CSMD1: variants seen among roughly 807,000 people sequenced by gnomAD.
The protein encoded by CSMD1 is CUB and Sushi multiple domains 1, also known as CUB and sushi domain-containing protein 1.
CSMD1 carries 213 observed loss-of-function variants against 417.5 expected under a neutral mutation model. That is an observed-to-expected ratio of 0.51 (90% confidence interval 0.46 to 0.57). The LOEUF is 0.57. Among genes scored for constraint, CSMD1 ranks in the 20% least tolerant of loss-of-function variants. The probability of loss-of-function intolerance (pLI) is 0.00; values close to 1 mark genes in which losing one functional copy is unlikely to be tolerated. For missense variants in CSMD1, 6,923 were observed against 4,529.7 expected (o/e 1.53, Z -15.17); for synonymous variants, 2,862 against 1,736.8 (o/e 1.65, Z -16.11).
intron 1 of CSMD1, among the ~76,000 whole-genome samples, chr8:4,965,929 G>C (rs890399149): frequency 6.6e-5 from 10 of 152,120 alleles, no homozygotes; most frequent in South Asian, 2.1e-4. Context: ...TATGTAATTT[G>C]AGAATGATCT....
At chr8:4,665,004 T>A (rs1278577046) in intron 1 of CSMD1, among the ~76,000 whole-genome samples, 1 of 152,208 alleles carries the variant, frequency 6.6e-6, no homozygotes. Flanking sequence ...GTGTTCTTCA[T>A]TTTATTATTA....
At chr8:3,681,734 T>A (rs184240711) in intron 7 of CSMD1, among the ~76,000 whole-genome samples, 3,842 of 152,158 alleles carry the variant, frequency 0.025, 172 homozygotes, top group African/African-American at 0.087. Context: ...CATTGCCAAG[T>A]CAATCCTAAG....
intron 6 of CSMD1, among the ~76,000 whole-genome samples, chr8:3,718,188 G>C (rs916423384): frequency 6.6e-6 from 1 of 152,152 alleles, no homozygotes; most frequent in Non-Finnish European, 1.5e-5. Context: ...CGAGTTGTTA[G>C]TACAATAACT....
chr8:3,668,899 C>T (rs916864348), intron 7 of CSMD1, among the ~76,000 whole-genome samples: 9 of 152,106 alleles, frequency 5.9e-5, no homozygotes, highest in South Asian at 4.1e-4. Context: ...GGCAAAGCAA[C>T]GCCTACATCC....
At chr8:3,564,535 G>GTGTC (rs1483779039) in intron 10 of CSMD1, among the ~76,000 whole-genome samples, 2 of 151,642 alleles carry the variant, frequency 1.3e-5, no homozygotes, top group African/African-American at 4.9e-5. Context: ...GTGTGTGTGT[G>GTGTC]TGTGTGTGTG....
intron 2 of CSMD1, among the ~76,000 whole-genome samples, chr8:4,558,137 T>C (rs527956199): frequency 8.1e-4 from 101 of 124,482 alleles, no homozygotes; most frequent in Non-Finnish European, 1.2e-3. Context: ...TTAAAAATCA[T>C]AATAAGAAGT....
intron 1 of CSMD1, among the ~76,000 whole-genome samples, chr8:4,991,233 G>C (rs1318194003): frequency 6.6e-6 from 1 of 152,188 alleles, no homozygotes. Flanking sequence ...AATGCTTACA[G>C]CCTTACTCCT....
At chr8:4,672,500 A>T (rs1379856853) in intron 1 of CSMD1, among the ~76,000 whole-genome samples, 1 of 152,226 alleles carries the variant, frequency 6.6e-6, no homozygotes, top group South Asian at 2.1e-4. Flanking sequence ...CTGATGAAAA[A>T]AAGCTTTAAT....
At chr8:4,334,743 C>G (rs558599900) in intron 3 of CSMD1, among the ~76,000 whole-genome samples, 15 of 152,250 alleles carry the variant, frequency 9.9e-5, no homozygotes, top group Non-Finnish European at 1.9e-4. Flanking sequence ...TTGAACGATA[C>G]GCTCGACTCT....
At chr8:3,027,670 C>T (rs574525255) in intron 51 of CSMD1, among the ~76,000 whole-genome samples, 8 of 152,066 alleles carry the variant, frequency 5.3e-5, no homozygotes, top group Non-Finnish European at 8.8e-5. Flanking sequence ...ATTTGTGGCC[C>T]GAGACACCTA....
intron 7 of CSMD1, among the ~76,000 whole-genome samples, chr8:3,656,408 C>T (rs1460614307): frequency 2.0e-5 from 3 of 152,132 alleles, no homozygotes; most frequent in African/African-American, 7.2e-5. Flanking sequence ...CCTCTCAGTG[C>T]ATCACCTATA....
chr8:3,021,574 G>A (rs1167087627), intron 51 of CSMD1, among the ~76,000 whole-genome samples: 2 of 152,158 alleles, frequency 1.3e-5, no homozygotes. Flanking sequence ...TGCTTCCTCT[G>A]AACTCTGGGA....
rs550237928 is a variant in CSMD1, at chr8:4,257,972, G to T, written c.415+161981C>A. On this transcript the variant is annotated intron_variant, in intron 3 of 69. Transcript: ENST00000635120. ...ATTAGAATCTTTGTCTGCTCAAGCT[G>T]CCATAAAAGAATATCATAGAATAAG... is the stretch of plus-strand genomic sequence containing the variant. Among the ~76,000 whole-genome samples, 3 of 152,188 alleles carry T rather than the reference G, an allele frequency of 2.0e-5. No homozygotes were observed. The South Asian group carries it at 6.2e-4, about 32-fold the overall frequency.
At chr8:3,798,500 A>C (rs990344882) in intron 5 of CSMD1, among the ~76,000 whole-genome samples, 5 of 152,092 alleles carry the variant, frequency 3.3e-5, no homozygotes, top group Admixed American at 3.3e-4. Flanking sequence ...CAGAAGGTCA[A>C]AAGGTGAGAA....
intron 51 of CSMD1, among the ~76,000 whole-genome samples, chr8:3,022,838 T>G (rs1809551738): frequency 6.6e-6 from 1 of 152,104 alleles, no homozygotes; most frequent in African/African-American, 2.4e-5. Context: ...TCCGTATAGA[T>G]CAGAGTCAGG....
intron 3 of CSMD1, among the ~76,000 whole-genome samples, chr8:4,041,535 T>C (rs1234010322): frequency 6.6e-6 from 1 of 152,124 alleles, no homozygotes; most frequent in African/African-American, 2.4e-5. Flanking sequence ...AGAATATTTA[T>C]GGGAATACAA....
chr8:4,921,916 C>T (rs920774104), intron 1 of CSMD1, among the ~76,000 whole-genome samples: 2 of 152,208 alleles, frequency 1.3e-5, no homozygotes, highest in African/African-American at 4.8e-5. Context: ...GAAGCCACCT[C>T]CAGCCTTCTG....
intron 7 of CSMD1, among the ~76,000 whole-genome samples, chr8:3,617,469 CT>C (rs1015921335): frequency 2.0e-5 from 3 of 151,686 alleles, no homozygotes; most frequent in South Asian, 2.1e-4. Context: ...TAACACATTT[CT>C]TTTTTTTTCT....
intron 3 of CSMD1, among the ~76,000 whole-genome samples, chr8:4,186,061 C>T (rs3849837): frequency 6.6e-6 from 1 of 152,038 alleles, no homozygotes. Context: ...GGATTCTGCA[C>T]GTGTGGAAGA....
Sources: allele counts gnomAD v4.1 joint callset (sites outside exome capture counted in the v4.1 genomes callset), GRCh38; gene constraint gnomAD v4.1.1; transcripts MANE v1.5; gene names NCBI Gene and HGNC (gene_info 2026-07-23, HGNC 2026-07-21).